ZC2HC1A: variants seen among roughly 807,000 people sequenced by gnomAD.
ZC2HC1A encodes zinc finger C2HC domain-containing protein 1A.
Under a neutral mutation model 40.7 loss-of-function variants are expected in ZC2HC1A, and 28 were observed. The observed-to-expected ratio is 0.69, with a 90% CI of 0.51 to 0.94. ZC2HC1A has a LOEUF of 0.94. Among genes scored for constraint, ZC2HC1A ranks in the 40% least tolerant of loss-of-function variants. ZC2HC1A has a pLI of 0.00. For missense variants in ZC2HC1A, 389 were observed against 386.3 expected, an observed-to-expected ratio of 1.01 and a Z score of -0.06; for synonymous variants, 129 against 129.2, an observed-to-expected ratio of 1.00 and a Z score of 0.01.
chr8:78,719,737 C>G lies in ZC2HC1A; in HGVS notation c.*2244C>G, dbSNP rs1254520997. ...ACCAATAATGTCTTCATATTTGAAC[C>G]TATTCAATAAAGACATGAAGCATAA... On this transcript the variant is annotated 3_prime_UTR_variant, in exon 9 of 9. Transcript: ENST00000263849. The G allele has an allele frequency of 6.6e-6, 1 of 151,582 alleles. No individual in the cohort carries two copies. Among genetic ancestry groups the G allele is most frequent in the Non-Finnish European group, 1.5e-5 (1 of 67,662 alleles). 9.4% of individuals were successfully genotyped at this position (151,582 alleles called of 1,614,324 possible).
intron 7 of ZC2HC1A, among the ~76,000 whole-genome samples, chr8:78,702,560 T>C (rs994315699): frequency 2.0e-5 from 3 of 152,190 alleles, no homozygotes; most frequent in South Asian, 2.1e-4. Flanking sequence ...TCTTTGGTTG[T>C]TAACTTGAGA....
chr8:78,717,850 T>C lies in ZC2HC1A; in HGVS notation c.*357T>C. 1 of 159,788 alleles carries C rather than the reference T, an allele frequency of 6.3e-6. No homozygotes were observed. The highest frequency in any genetic ancestry group is 1.4e-5 in the Non-Finnish European group (1 of 72,636). 9.9% of individuals were successfully genotyped at this position (159,788 alleles called of 1,614,324 possible). ...TACTCTAGTGCTTAGCCCTTCAAGC[T>C]TTAGGATAAGTATAACTTTGAGCAA... is the stretch of plus-strand genomic sequence containing the variant. On this transcript the variant is annotated 3_prime_UTR_variant, in exon 9 of 9. Coordinates refer to ENST00000263849, the MANE Select transcript of ZC2HC1A (RefSeq NM_016010.3).
chr8:78,679,962 G>A (rs1809714760), intron 3 of ZC2HC1A, among the ~76,000 whole-genome samples: 1 of 152,122 alleles, frequency 6.6e-6, no homozygotes, highest in South Asian at 2.1e-4. Context: ...ATCTTTGGAA[G>A]CAGTGTAATA....
intron 1 of ZC2HC1A, among the ~76,000 whole-genome samples, chr8:78,666,559 C>G (rs1482776315): frequency 6.6e-6 from 1 of 152,220 alleles, no homozygotes; most frequent in Non-Finnish European, 1.5e-5. Flanking sequence ...TTAACACCAA[C>G]AGGCCACTTT....
intron 3 of ZC2HC1A, among the ~76,000 whole-genome samples, chr8:78,684,633 A>G (rs1809902029): frequency 6.6e-6 from 1 of 152,314 alleles, no homozygotes; most frequent in Admixed American, 6.5e-5. Context: ...TAAGTAAGAA[A>G]TTACTACAAA....
intron 7 of ZC2HC1A, among the ~76,000 whole-genome samples, chr8:78,709,129 T>C (rs1810876022): frequency 6.6e-6 from 1 of 152,210 alleles, no homozygotes; most frequent in Admixed American, 6.5e-5. Flanking sequence ...ATAGTGAAAC[T>C]ATCAAATATC....
At chr8:78,684,989 T>C (rs1485111114) in intron 3 of ZC2HC1A, among the ~76,000 whole-genome samples, 1 of 152,180 alleles carries the variant, frequency 6.6e-6, no homozygotes, top group Admixed American at 6.5e-5. Context: ...TTCAAAAGTT[T>C]ACATCAAAAA....
At chr8:78,668,827 T>C (rs904490303) in intron 1 of ZC2HC1A, among the ~76,000 whole-genome samples, 4 of 152,202 alleles carry the variant, frequency 2.6e-5, no homozygotes, top group African/African-American at 4.8e-5. Flanking sequence ...CAATCTCTTA[T>C]AAGCTTTTTT....
At position 78,686,473 on chromosome 8, in the gene ZC2HC1A, C is replaced by T; in HGVS notation, c.217C>T (p.Pro73Ser). 6.9e-7 allele frequency: 1 copy of T among 1,456,388 alleles called. No individual in the cohort carries two copies. Among genetic ancestry groups the T allele is most frequent in the Non-Finnish European group, 9.1e-7 (1 of 1,098,278 alleles). The allele number at this position is 1,456,388 out of a possible 1,614,324, so 90.2% of individuals were successfully genotyped here. Residue 73 changes from proline (P) to serine (S), a missense_variant, in exon 4 of 9, where the codon CCA (proline) becomes TCA (serine). Physicochemically the swap from Pro to Ser is moderately conservative, Grantham distance 74 (BLOSUM62 -1). Transcript: ENST00000263849. Reference protein sequence around the residue: ...TVKPLKPRPEPPKKPSNWRRK... With the variant: ...TVKPLKPRPESPKKPSNWRRK... ...TTTATTTATTTATTTATAGCCAGAA[C>T]CACCAAAGAAACCATCTAATTGGAG...
At chr8:78,693,405 T>C (rs1296587796) in intron 5 of ZC2HC1A, among the ~76,000 whole-genome samples, 1 of 152,156 alleles carries the variant, frequency 6.6e-6, no homozygotes, top group African/African-American at 2.4e-5. Context: ...TGTTTCCTGA[T>C]TTTTTAATTA....
chr8:78,687,874 A>AATT (rs1810070072), intron 4 of ZC2HC1A, among the ~76,000 whole-genome samples: 3 of 133,484 alleles, frequency 2.2e-5, no homozygotes, highest in East Asian at 2.1e-4. Flanking sequence ...CTATATAATA[A>AATT]ATATATATTT....
At chr8:78,692,083 A>G (rs1277449673) in intron 5 of ZC2HC1A, among the ~76,000 whole-genome samples, 1 of 152,200 alleles carries the variant, frequency 6.6e-6, no homozygotes, top group Non-Finnish European at 1.5e-5. Flanking sequence ...GAAAGGTATA[A>G]TACATTATCA....
Position 78,675,639 on chromosome 8 carries a change from A to G in ZC2HC1A, c.17-148A>G, listed in dbSNP as rs563327573. ...ATAACTAAGTATTATGCTCCTTTTC[A>G]TAGATAATTTTGCTTATTTCAAAAT... On this transcript the variant is annotated intron_variant, in intron 1 of 8. Transcript: ENST00000263849. The G allele has an allele frequency of 3.4e-5, 22 of 649,542 alleles. No homozygotes were observed. The East Asian group carries it at 5.8e-4, about 17-fold the overall frequency. 40.2% of individuals were successfully genotyped at this position (649,542 alleles called of 1,614,324 possible). A position where few individuals can be genotyped will look rare whatever the true frequency, so the allele number is the denominator to read the frequency against.
chr8:78,696,744 C>T (rs1024509327), intron 5 of ZC2HC1A, among the ~76,000 whole-genome samples: 5 of 152,112 alleles, frequency 3.3e-5, no homozygotes, highest in African/African-American at 1.2e-4. Context: ...CAGGGAAATC[C>T]ATAATGCAGC....
At chr8:78,698,379 G>C (rs763078737) in intron 6 of ZC2HC1A, 35 bp from the exon 7 acceptor site, 3 of 1,527,090 alleles carry the variant, frequency 2.0e-6, no homozygotes, top group Non-Finnish European at 2.7e-6. Context: ...ACCTTTTTTA[G>C]AGTATTGTTA....
intron 5 of ZC2HC1A, among the ~76,000 whole-genome samples, chr8:78,689,686 G>C (rs1810146531): frequency 6.6e-6 from 1 of 151,906 alleles, no homozygotes; most frequent in South Asian, 2.1e-4. Context: ...AGATTATCGA[G>C]TGAAAGACCT....
intron 5 of ZC2HC1A, among the ~76,000 whole-genome samples, chr8:78,696,333 C>T (rs1028654243): frequency 6.6e-6 from 1 of 152,116 alleles, no homozygotes; most frequent in African/African-American, 2.4e-5. Context: ...CGTGCCCAGC[C>T]CGTTAAAACC....
At chr8:78,687,612 TTA>T (rs1281174211) in intron 4 of ZC2HC1A, among the ~76,000 whole-genome samples, 3 of 135,558 alleles carry the variant, frequency 2.2e-5, no homozygotes, top group African/African-American at 2.7e-5. Flanking sequence ...ACATAATACA[TTA>T]TATATATTTA....
At chr8:78,679,887 A>T (rs1809712479) in intron 3 of ZC2HC1A, among the ~76,000 whole-genome samples, 1 of 152,102 alleles carries the variant, frequency 6.6e-6, no homozygotes, top group Non-Finnish European at 1.5e-5. Context: ...TCAATATATG[A>T]CGTTTTTCTT....
Sources: allele counts gnomAD v4.1 joint callset (sites outside exome capture counted in the v4.1 genomes callset), GRCh38; gene constraint gnomAD v4.1.1; transcripts MANE v1.5; gene names NCBI Gene and HGNC (gene_info 2026-07-23, HGNC 2026-07-21).